The following DNMBP variants were observed in gnomAD, a reference collection of about 807,000 sequenced individuals.
DNMBP encodes dynamin-binding protein.
In DNMBP, 87 loss-of-function variants were observed where a neutral mutation model predicts 150.0. The observed-to-expected ratio is 0.58, with a 90% CI of 0.49 to 0.69. The LOEUF is 0.69. Ranked by LOEUF, DNMBP falls within the 30% of genes least tolerant of loss-of-function variation. The probability of loss-of-function intolerance (pLI) is 0.00; values close to 1 mark genes in which losing one functional copy is unlikely to be tolerated. For synonymous variants in DNMBP, 711 were observed against 750.4 expected (o/e 0.95, Z 0.86); for missense variants, 1,774 against 1,949.0 (o/e 0.91, Z 1.69).
intron 16 of DNMBP, among the ~76,000 whole-genome samples, chr10:99,879,101 A>AAAAAAAAAAAAAAAAAAAAAAAAAAAAG (rs1554857510): frequency 7.4e-6 from 1 of 135,084 alleles, no homozygotes; most frequent in Non-Finnish European, 1.5e-5. Context: ...AAAAAAAAAA[A>AAAAAAAAAAAAAAAAAAAAAAAAAAAAG]CCCAAAACGT....
intron 3 of DNMBP, among the ~76,000 whole-genome samples, chr10:99,960,412 A>G (rs1472700490): frequency 6.6e-6 from 1 of 152,190 alleles, no homozygotes; most frequent in East Asian, 1.9e-4. Flanking sequence ...AGATCTGGGT[A>G]GCAAAGCACC....
chr10:99,971,674 C>T (rs958250129), intron 2 of DNMBP, among the ~76,000 whole-genome samples: 13 of 151,984 alleles, frequency 8.6e-5, no homozygotes, highest in African/African-American at 2.7e-4. Flanking sequence ...GCACGCGCCA[C>T]CACACCCAGC....
At chr10:99,896,976 G>A (rs189887076) in intron 9 of DNMBP, among the ~76,000 whole-genome samples, 1 of 152,314 alleles carries the variant, frequency 6.6e-6, no homozygotes, top group African/African-American at 2.4e-5. Context: ...CGCATTAGGA[G>A]ATTTGAACCA....
At position 100,000,870 on chromosome 10, in the gene DNMBP, A is replaced by AC. The variant is rs2041000801; in HGVS notation, c.-11+8967_-11+8968insG. 2.7e-5 allele frequency among the ~76,000 whole-genome samples: 4 copies of AC among 146,230 alleles called. No individual in the cohort carries two copies. The East Asian group carries it at 7.8e-4, about 29-fold the overall frequency. ...GACACCTGTTATGGCAAAAAAAAAA[A>AC]AAAAAAAAAAAAAAAAACCCAGCAG... is the stretch of plus-strand genomic sequence containing the variant. On this transcript the variant is annotated intron_variant, in intron 1 of 16. Transcript: ENST00000324109.
At position 99,888,836 on chromosome 10, in the gene DNMBP, A is replaced by C; in HGVS notation, c.3274T>G (p.Phe1092Val). 6.2e-7 allele frequency: 1 copy of C among 1,614,106 alleles called. No individual in the cohort carries two copies. The highest frequency in any genetic ancestry group is 8.5e-7 in the Non-Finnish European group (1 of 1,179,994). Reference protein sequence around the residue: ...RVHRYISDQLFTNFKERTERL... With the variant: ...RVHRYISDQLVTNFKERTERL... ...AAAAAGTTACTTACAAAGTTTGTGA[A>C]GAGCTGGTCACTGATGTAGCGATGC... The change falls in exon 12 of 17, where the codon TTC (phenylalanine) becomes GTC (valine). Residue 1092 changes from phenylalanine to valine, a missense_variant. Phe to Val is a conservative substitution (Grantham distance 50). Coordinates refer to ENST00000324109, the MANE Select transcript of DNMBP (RefSeq NM_015221.4).
intron 4 of DNMBP, among the ~76,000 whole-genome samples, chr10:99,913,371 A>G (rs908224587): frequency 2.0e-5 from 3 of 152,170 alleles, no homozygotes; most frequent in Admixed American, 6.5e-5. Context: ...CCCAACAAAC[A>G]TAAGTCCTTT....
intron 1 of DNMBP, among the ~76,000 whole-genome samples, chr10:100,002,697 G>T (rs1425179921): frequency 6.6e-6 from 1 of 151,886 alleles, no homozygotes; most frequent in Non-Finnish European, 1.5e-5. Flanking sequence ...TATATGTAGG[G>T]TTAATAAATA....
chr10:99,896,274 GC>G lies in DNMBP; in HGVS notation c.3043del (p.Ala1015LeufsTer4). The G allele has an allele frequency of 6.2e-7, 1 of 1,614,076 alleles. No individual in the cohort carries two copies. Among genetic ancestry groups the G allele is most frequent in the Non-Finnish European group, 8.5e-7 (1 of 1,179,968 alleles). ...SSHLKHLTGFAPQIKDEVFEE... is the reference protein window; with the variant it reads ...SSHLKHLTGFXPQIKDEVFEE... ...CCAGGATGGGGATCTCACCTGAGGA[GC>G]AAAGCCAGTGAGATGCTTCAGGTGA... On this transcript the variant is annotated frameshift_variant, in exon 10 of 17. Coordinates refer to ENST00000324109, the MANE Select transcript of DNMBP (RefSeq NM_015221.4). LOFTEE classifies it high-confidence loss of function.
intron 4 of DNMBP, among the ~76,000 whole-genome samples, chr10:99,911,833 T>C (rs944666182): frequency 2.0e-5 from 3 of 152,234 alleles, no homozygotes; most frequent in Non-Finnish European, 2.9e-5. Flanking sequence ...AAATTCATTG[T>C]GTTACATATA....
At chr10:99,929,815 G>A (rs1185163880) in intron 4 of DNMBP, 2 of 702,944 alleles carry the variant, frequency 2.8e-6, no homozygotes, top group Admixed American at 2.0e-5. Flanking sequence ...TGAGTCTGCA[G>A]ACCATCCAGA....
chr10:99,972,263 G>A (rs2040686627), intron 1 of DNMBP, 129 bp from the exon 2 acceptor site: 3 of 827,490 alleles, frequency 3.6e-6, no homozygotes, highest in East Asian at 2.9e-5. Context: ...AAGCAAATAA[G>A]TTAGTACTTC....
intron 1 of DNMBP, among the ~76,000 whole-genome samples, chr10:99,978,420 T>C (rs1203280195): frequency 6.6e-6 from 1 of 152,236 alleles, no homozygotes; most frequent in Non-Finnish European, 1.5e-5. Context: ...TCACATATTA[T>C]CTATCCCTTT....
intron 1 of DNMBP, among the ~76,000 whole-genome samples, chr10:99,995,808 C>G (rs2040945359): frequency 6.6e-6 from 1 of 152,226 alleles, no homozygotes; most frequent in Admixed American, 6.5e-5. Flanking sequence ...CTTTTGGGGC[C>G]AGTGGCTGTT....
chr10:99,892,839 A>ACTAAGAAGCCATAAAATGCAAGTTTAAAC (rs2039594081), intron 11 of DNMBP, among the ~76,000 whole-genome samples: 1 of 152,352 alleles, frequency 6.6e-6, no homozygotes, highest in East Asian at 1.9e-4. Flanking sequence ...ATGACACAAA[A>ACTAAGAAGCCATAAAATGCAAGTTTAAAC]CTAAGAAGCC....
intron 4 of DNMBP, among the ~76,000 whole-genome samples, chr10:99,922,667 A>G (rs774659300): frequency 2.0e-5 from 3 of 151,956 alleles, no homozygotes; most frequent in Non-Finnish European, 4.4e-5. Flanking sequence ...ACAGGCACGC[A>G]CCACCATACC....
intron 4 of DNMBP, among the ~76,000 whole-genome samples, chr10:99,939,253 C>G (rs2040268293): frequency 6.6e-6 from 1 of 152,196 alleles, no homozygotes; most frequent in African/African-American, 2.4e-5. Flanking sequence ...CATTCTGATT[C>G]CTACAGTTCT....
intron 1 of DNMBP, among the ~76,000 whole-genome samples, chr10:99,988,559 C>T (rs1042502997): frequency 1.2e-4 from 19 of 152,266 alleles, no homozygotes; most frequent in East Asian, 7.7e-4. Context: ...AACACTGAAA[C>T]GAGACAAAGA....
chr10:99,886,102 C>T (rs2039457757), intron 13 of DNMBP, among the ~76,000 whole-genome samples, 198 bp downstream of exon 13: 1 of 152,186 alleles, frequency 6.6e-6, no homozygotes, highest in Non-Finnish European at 1.5e-5. Context: ...CTGGGAACTG[C>T]TCAAGAGGGA....
chr10:99,965,496 CTTT>C (rs35603478), intron 3 of DNMBP, among the ~76,000 whole-genome samples: 4 of 134,380 alleles, frequency 3.0e-5, no homozygotes, highest in Admixed American at 7.7e-5. Context: ...ATCTCACATA[CTTT>C]TTTTTTTTTT....
Sources: allele counts gnomAD v4.1 joint callset (sites outside exome capture counted in the v4.1 genomes callset), GRCh38; gene constraint gnomAD v4.1.1; transcripts MANE v1.5; gene names NCBI Gene and HGNC (gene_info 2026-07-23, HGNC 2026-07-21).